Variants in PDE1A observed in about 807,000 individuals in gnomAD.
The protein encoded by PDE1A is dual specificity calcium/calmodulin-dependent 3',5'-cyclic nucleotide phosphodiesterase 1A.
PDE1A carries 35 observed loss-of-function variants against 61.7 expected under a neutral mutation model. The ratio of observed to expected loss-of-function variants is 0.57; its 90% CI spans 0.43 to 0.75. The LOEUF (loss-of-function observed/expected upper bound fraction) is 0.75, where lower values mean the gene tolerates loss of function less well. Among genes scored for constraint, PDE1A ranks in the 30% least tolerant of loss-of-function variants. The pLI is 0.00. For synonymous variants in PDE1A, 232 were observed against 213.2 expected, an observed-to-expected ratio of 1.09 and a Z score of -0.77; for missense variants, 597 against 630.6, an observed-to-expected ratio of 0.95 and a Z score of 0.57.
At chr2:182,498,807 G>GGT (rs1688889060) in intron 2 of PDE1A, among the ~76,000 whole-genome samples, 1 of 151,974 alleles carries the variant, frequency 6.6e-6, no homozygotes, top group Admixed American at 6.5e-5. Flanking sequence ...AGCCGGACGC[G>GGT]GTGGCGGGCG....
chr2:182,207,330 T>C (rs905922066), intron 7 of PDE1A, among the ~76,000 whole-genome samples: 7 of 152,192 alleles, frequency 4.6e-5, no homozygotes, highest in Non-Finnish European at 1.0e-4. Context: ...GAGTACTTAT[T>C]TGAGTAAAAG....
chr2:182,377,272 G>C (rs535463866), intron 1 of PDE1A, among the ~76,000 whole-genome samples: 1 of 152,142 alleles, frequency 6.6e-6, no homozygotes, highest in East Asian at 1.9e-4. Flanking sequence ...ATGAGATCTG[G>C]TGGATTAGAA....
At chr2:182,583,851 G>A in the PDE1A span, among the ~76,000 whole-genome samples, 1 of 152,190 alleles carries the variant, frequency 6.6e-6, no homozygotes, top group Non-Finnish European at 1.5e-5. Context: ...AGACCCACCT[G>A]AGGTAAGCAT....
intron 1 of PDE1A, among the ~76,000 whole-genome samples, chr2:182,356,197 C>A (rs974269122): frequency 2.0e-5 from 3 of 151,998 alleles, no homozygotes; most frequent in Non-Finnish European, 4.4e-5. Flanking sequence ...ATAATCCCAG[C>A]ACTTTGGGAG....
intron 2 of PDE1A, among the ~76,000 whole-genome samples, chr2:182,488,212 C>A (rs1559506848): frequency 6.6e-6 from 1 of 152,110 alleles, no homozygotes; most frequent in Non-Finnish European, 1.5e-5. Context: ...GTACAATTCA[C>A]AATTTGTAAT....
chr2:182,453,719 C>A (rs956132552), intron 2 of PDE1A, among the ~76,000 whole-genome samples: 2 of 152,080 alleles, frequency 1.3e-5, no homozygotes, highest in Non-Finnish European at 2.9e-5. Context: ...ATTCAACAAC[C>A]CTTCATGCTA....
chr2:182,695,207 G>A, the PDE1A span, among the ~76,000 whole-genome samples: 1 of 152,080 alleles, frequency 6.6e-6, no homozygotes, highest in Non-Finnish European at 1.5e-5. Flanking sequence ...GTAAAAGGCT[G>A]AGAAAACTGA....
At position 182,236,206 on chromosome 2, in the gene PDE1A, T is replaced by C. The variant is rs182581255; in HGVS notation, c.351-1708A>G. Among the ~76,000 whole-genome samples, 6 of 152,346 alleles carry C rather than the reference T, an allele frequency of 3.9e-5. No individual in the cohort carries two copies. In the East Asian group the frequency reaches 1.2e-3, roughly 29 times the overall value. On this transcript the variant is annotated intron_variant, in intron 3 of 13. Transcript: ENST00000351439. The stretch of plus-strand genomic sequence containing the variant: ...ATCCTATATCTCTATTGAAAGATTT[T>C]AGAACAGTTAAAACTAAAAATACTT...
chr2:182,655,547 T>A, the PDE1A span, among the ~76,000 whole-genome samples: 3 of 152,194 alleles, frequency 2.0e-5, no homozygotes, highest in African/African-American at 7.2e-5. Context: ...AAACTATTCC[T>A]CCCAGACTTT....
intron 2 of PDE1A, among the ~76,000 whole-genome samples, chr2:182,492,762 T>G (rs1242992414): frequency 6.6e-6 from 1 of 152,232 alleles, no homozygotes; most frequent in Admixed American, 6.5e-5. Context: ...TTTTGTTTAT[T>G]GTTATATTTT....
intron 3 of PDE1A, among the ~76,000 whole-genome samples, chr2:182,238,226 G>A (rs1382331245): frequency 3.0e-5 from 4 of 134,330 alleles, no homozygotes; most frequent in South Asian, 2.4e-4. Context: ...CCGAGATCGC[G>A]CCACTGCACC....
chr2:182,344,568 A>G (rs756934855), intron 1 of PDE1A, among the ~76,000 whole-genome samples: 1 of 152,098 alleles, frequency 6.6e-6, no homozygotes, highest in Non-Finnish European at 1.5e-5. Flanking sequence ...TTATGTCAAT[A>G]CTTATGGTTA....
chr2:182,526,249 G>A (rs1170921486), upstream of PDE1A, among the ~76,000 whole-genome samples: 2 of 151,932 alleles, frequency 1.3e-5, no homozygotes, highest in Non-Finnish European at 2.9e-5. Flanking sequence ...TTCAAATATT[G>A]GAAAAATTCC....
intron 1 of PDE1A, among the ~76,000 whole-genome samples, chr2:182,293,776 A>G (rs1694693983): frequency 6.6e-6 from 1 of 152,210 alleles, no homozygotes; most frequent in South Asian, 2.1e-4. Context: ...TCTCCTTCTT[A>G]AAACACCTTA....
chr2:182,392,918 T>C (rs1259025621), intron 1 of PDE1A, among the ~76,000 whole-genome samples: 1 of 152,244 alleles, frequency 6.6e-6, no homozygotes, highest in Non-Finnish European at 1.5e-5. Context: ...CCTGGCTGCT[T>C]TCCTGAGCTA....
In PDE1A at chr2:182,236,962, T is replaced by C. The variant is rs114423835; in HGVS notation, c.351-2464A>G. 5.6e-3 allele frequency among the ~76,000 whole-genome samples: 856 copies of C among 152,278 alleles called. 4 individuals carry two copies. The highest frequency in any genetic ancestry group is 0.019 in the African/African-American group (789 of 41,562). On this transcript the variant is annotated intron_variant, in intron 3 of 13. Coordinates refer to ENST00000351439, the Ensembl canonical transcript of PDE1A. ...GAATTCTAGGATGGAAAATTAGAAATAGAACACTAAGATGGAAAATTAAGG... is the reference window on the plus strand; with the variant it reads ...GAATTCTAGGATGGAAAATTAGAAACAGAACACTAAGATGGAAAATTAAGG...
the PDE1A span, among the ~76,000 whole-genome samples, chr2:182,678,972 A>G: frequency 6.7e-6 from 1 of 149,090 alleles, no homozygotes; most frequent in Admixed American, 6.7e-5. Flanking sequence ...TTCTGAGATG[A>G]TGGATATGCT....
chr2:182,389,179 CTG>C (rs1701281752), intron 1 of PDE1A, among the ~76,000 whole-genome samples: 1 of 152,120 alleles, frequency 6.6e-6, no homozygotes, highest in South Asian at 2.1e-4. Flanking sequence ...GAGAATTTAA[CTG>C]TGTCAATGCA....
intron 2 of PDE1A, among the ~76,000 whole-genome samples, chr2:182,246,735 C>T (rs1691004631): frequency 6.6e-6 from 1 of 152,022 alleles, no homozygotes; most frequent in Non-Finnish European, 1.5e-5. Context: ...ATCTTCTTAG[C>T]ACTGACCACT....
Sources: allele counts gnomAD v4.1 joint callset (sites outside exome capture counted in the v4.1 genomes callset), GRCh38; gene constraint gnomAD v4.1.1; transcripts MANE v1.5; gene names NCBI Gene and HGNC (gene_info 2026-07-23, HGNC 2026-07-21).